DLG3: variants seen among roughly 807,000 people sequenced by gnomAD.
The protein encoded by DLG3 is discs large MAGUK scaffold protein 3, also known as disks large homolog 3.
Under a neutral mutation model 64.1 loss-of-function variants are expected in DLG3, and 1 was observed. That is an observed-to-expected ratio of 0.02 (90% CI 0.01 to 0.07). The LOEUF (loss-of-function observed/expected upper bound fraction) is 0.07. Among genes scored for constraint, DLG3 ranks in the 10% least tolerant of loss-of-function variants. The pLI, the probability that DLG3 is intolerant of heterozygous loss-of-function variation, is 1.00. For synonymous variants in DLG3, 245 were observed against 259.8 expected (o/e 0.94, Z 0.55); for missense variants, 429 against 669.5 (o/e 0.64, Z 3.96).
intron 7 of DLG3, chrX:70,452,749 A>T: frequency 8.4e-7 from 1 of 1,185,179 alleles, no homozygotes; most frequent in South Asian, 1.9e-5. Flanking sequence ...CCCGGAGGGG[A>T]TGCCAGGTAG....
At chrX:70,453,870 C>T (rs913118676) in intron 8 of DLG3, 77 bp downstream of exon 8, 4 of 953,207 alleles carry the variant, frequency 4.2e-6, no homozygotes, top group African/African-American at 2.0e-5. Context: ...TTACTTCCTC[C>T]GAGGAATGCT....
chrX:70,451,428 C>T (rs1033580477), intron 6 of DLG3, among the ~76,000 whole-genome samples: 2 of 111,332 alleles, frequency 1.8e-5, no homozygotes, highest in Non-Finnish European at 3.8e-5. Context: ...GAGCTGGGTG[C>T]CCTTAGACAA....
intron 9 of DLG3, among the ~76,000 whole-genome samples, chrX:70,459,265 T>A (rs921820569): frequency 7.1e-5 from 8 of 112,309 alleles, no homozygotes; most frequent in African/African-American, 2.6e-4. Context: ...AATGAGAGTA[T>A]TTCTGTAAGT....
chrX:70,458,792 G>T (rs780596622), intron 9 of DLG3, among the ~76,000 whole-genome samples: 2 of 112,417 alleles, frequency 1.8e-5, no homozygotes, highest in Non-Finnish European at 3.8e-5. Context: ...ACTATTTAGT[G>T]GTTTCACTCC....
intron 17 of DLG3, 35 bp from the exon 18 acceptor site, chrX:70,500,863 C>T: frequency 9.0e-7 from 1 of 1,112,167 alleles, no homozygotes; most frequent in Admixed American, 2.4e-5. Flanking sequence ...AACATAAGAT[C>T]TGGTTCAGAA....
At chrX:70,493,335 T>C in intron 12 of DLG3, 2 of 1,121,533 alleles carry the variant, frequency 1.8e-6, no homozygotes, top group Non-Finnish European at 2.4e-6. Context: ...TGTTTTTTTT[T>C]TTCTTCTGTC....
rs1215792586 is a variant in DLG3 at position 70,500,580 on chromosome X, T to A, written c.2255T>A (p.Met752Lys). 8.5e-7 allele frequency: 1 copy of A among 1,176,777 alleles called. No individual in the cohort carries two copies. The highest frequency in any genetic ancestry group is 1.2e-6 in the Non-Finnish European group (1 of 865,111). Reference protein sequence around the residue: ...FIKPKSIEALMEMNRRQTYEQ... With the variant: ...FIKPKSIEALKEMNRRQTYEQ... ...AAGCCCAAGTCCATTGAAGCCCTTA[T>A]GTAAGTGTTGAACTGAGAACTCAGA... is the stretch of plus-strand genomic sequence containing the variant. Residue 752 changes from methionine (M) to lysine (K), a missense_variant and splice_region_variant, in exon 17 of 19, where the codon ATG becomes AAG. Met to Lys is a moderately conservative substitution (Grantham distance 95). Coordinates refer to ENST00000374360, the MANE Select transcript of DLG3 (RefSeq NM_021120.4).
At position 70,499,211 on chromosome X, in the gene DLG3, A is replaced by G. The variant is rs2087511573; in HGVS notation, c.1906A>G (p.Met636Val). Residue 636 changes from methionine to valine, a missense_variant, in exon 15 of 19, where the codon ATG (methionine) becomes GTG (valine). Physicochemically the swap from Met to Val is conservative, Grantham distance 21. This residue lies in a region of DLG3 where 46 missense variants were observed against 64.4 expected (regional missense o/e 0.71). Coordinates refer to ENST00000374360, the MANE Select transcript of DLG3 (RefSeq NM_021120.4). Reference sequence around the variant, plus strand: ...AAGGCCTGTGATCATCCTGGGCCCAATGAAGGACCGAGTCAATGATGACCT... The same window carrying G: ...AAGGCCTGTGATCATCCTGGGCCCAGTGAAGGACCGAGTCAATGATGACCT... ...YARPVIILGPMKDRVNDDLIS... is the reference protein window; with the variant it reads ...YARPVIILGPVKDRVNDDLIS... 8 of 1,210,484 alleles carry G rather than the reference A, an allele frequency of 6.6e-6. No individual in the cohort carries two copies. The highest frequency in any genetic ancestry group is 3.5e-5 in the South Asian group (2 of 56,893).
At chrX:70,477,861 G>T (rs997754856) in intron 9 of DLG3, among the ~76,000 whole-genome samples, 1 of 111,911 alleles carries the variant, frequency 8.9e-6, no homozygotes, top group Non-Finnish European at 1.9e-5. Flanking sequence ...CCCAGTTGAA[G>T]GTCAGTCTGG....
At chrX:70,498,497 C>A in intron 13 of DLG3, 23 bp from the exon 14 acceptor site, 1 of 1,205,792 alleles carries the variant, frequency 8.3e-7, no homozygotes. Context: ...ATGGTGCTAA[C>A]CTATCTCTCT....
intron 4 of DLG3, 117 bp from the exon 5 acceptor site, chrX:70,450,052 G>A (rs777608436): frequency 1.2e-5 from 12 of 1,042,749 alleles, no homozygotes; most frequent in South Asian, 6.5e-5. Flanking sequence ...TGGATCCCCC[G>A]GGGGGAGCTC....
intron 9 of DLG3, among the ~76,000 whole-genome samples, chrX:70,473,376 C>T (rs934049312): frequency 9.1e-6 from 1 of 109,966 alleles, no homozygotes; most frequent in Non-Finnish European, 1.9e-5. Flanking sequence ...GTCACTTCCT[C>T]AGGGAAACCT....
At chrX:70,452,502 G>A (rs1221707784) in intron 7 of DLG3, 2 of 1,121,606 alleles carry the variant, frequency 1.8e-6, no homozygotes, top group Non-Finnish European at 2.3e-6. Context: ...GCGGGGCCTG[G>A]AACTGGTCGG....
intron 18 of DLG3, 46 bp downstream of exon 18, chrX:70,501,035 G>C (rs771190396): frequency 9.2e-6 from 9 of 976,224 alleles, no homozygotes; most frequent in South Asian, 2.1e-5. Context: ...AACTAGCCAG[G>C]TACCTGTTTC....
At position 70,499,243 on chromosome X, in the gene DLG3, C is replaced by T. The variant is rs759272110; in HGVS notation, c.1938C>T (p.Ser646=). Residue 646 remains serine, a synonymous_variant, in exon 15 of 19, where the codon TCC becomes TCT. Transcript: ENST00000374360. The stretch of plus-strand genomic sequence containing the variant: ...ACCGAGTCAATGATGACCTGATCTC[C>T]GAATTTCCACATAAATTTGGATCCT... ...MKDRVNDDLI[S]EFPHKFGSCV... The T allele has an allele frequency of 1.6e-5, 19 of 1,208,146 alleles. No homozygotes were observed. The highest frequency in any genetic ancestry group is 3.0e-5 in the East Asian group (1 of 33,719).
chrX:70,500,649 A>G, intron 17 of DLG3, 69 bp downstream of exon 17: 2 of 934,127 alleles, frequency 2.1e-6, no homozygotes, highest in Non-Finnish European at 3.1e-6. Flanking sequence ...TGGAGAAGAA[A>G]GTGATTTGCT....
At chrX:70,493,533 AGT>A in intron 12 of DLG3, 3 of 1,048,694 alleles carry the variant, frequency 2.9e-6, no homozygotes, top group Non-Finnish European at 4.0e-6. Flanking sequence ...TCTCATCCTC[AGT>A]TGCCCTTCCC....
chrX:70,470,234 A>AT (rs1171644125), intron 9 of DLG3, among the ~76,000 whole-genome samples: 33 of 104,633 alleles, frequency 3.2e-4, no homozygotes, highest in Admixed American at 3.1e-4. Flanking sequence ...GTCATTTCTA[A>AT]TTTTTTTTTT....
intron 9 of DLG3, among the ~76,000 whole-genome samples, chrX:70,457,034 G>A (rs1477631382): frequency 9.0e-6 from 1 of 111,687 alleles, no homozygotes; most frequent in Non-Finnish European, 1.9e-5. Context: ...TTTTCTTCAC[G>A]TGAATGTGAG....
Sources: allele counts gnomAD v4.1 joint callset (sites outside exome capture counted in the v4.1 genomes callset), GRCh38; gene constraint gnomAD v4.1.1; regional missense constraint gnomAD v4.1.1; transcripts MANE v1.5; gene names NCBI Gene and HGNC (gene_info 2026-07-23, HGNC 2026-07-21).